FRMPD4: variants seen among roughly 807,000 people sequenced by gnomAD.
FRMPD4 encodes the protein FERM and PDZ domain containing 4.
In FRMPD4, 22 loss-of-function variants were observed where a neutral mutation model predicts 94.1. The ratio of observed to expected loss-of-function variants is 0.23; its 90% CI spans 0.17 to 0.33. The LOEUF (loss-of-function observed/expected upper bound fraction) is 0.33. FRMPD4 is among the 10% of genes least tolerant of loss of function. The pLI is 1.00. For missense variants in FRMPD4, 1,111 were observed against 1,339.9 expected, an observed-to-expected ratio of 0.83 and a Z score of 2.67; for synonymous variants, 631 against 548.6, an observed-to-expected ratio of 1.15 and a Z score of -2.10.
intron 3 of FRMPD4, among the ~76,000 whole-genome samples, chrX:12,130,374 G>A (rs949489724): frequency 9.0e-6 from 1 of 111,123 alleles, no homozygotes; most frequent in Non-Finnish European, 1.9e-5. Flanking sequence ...ACAGGAAGCA[G>A]GGAGGAGGGA....
intron 3 of FRMPD4, among the ~76,000 whole-genome samples, chrX:12,004,264 C>T (rs1157869305): frequency 1.8e-5 from 2 of 112,159 alleles, no homozygotes; most frequent in Non-Finnish European, 3.8e-5. Context: ...AATACTACTG[C>T]CAAACCAAAG....
chrX:12,597,058 C>G (rs767220139), intron 2 of FRMPD4, among the ~76,000 whole-genome samples: 1 of 112,039 alleles, frequency 8.9e-6, no homozygotes, highest in Non-Finnish European at 1.9e-5. Flanking sequence ...GAGCTACCAG[C>G]TCTGTTCAGC....
intron 1 of FRMPD4, among the ~76,000 whole-genome samples, chrX:12,371,519 GT>G (rs2056162225): frequency 8.9e-6 from 1 of 112,416 alleles, no homozygotes; most frequent in Non-Finnish European, 1.9e-5. Flanking sequence ...GTTTCTTTTG[GT>G]TTCATTTTAA....
chrX:11,918,950 A>G (rs997299643), intron 3 of FRMPD4, among the ~76,000 whole-genome samples: 1 of 112,747 alleles, frequency 8.9e-6, no homozygotes, highest in Non-Finnish European at 1.9e-5. Flanking sequence ...CTTCCCATCC[A>G]TGTAGACATG....
chrX:12,357,203 C>T (rs935991912), intron 1 of FRMPD4, among the ~76,000 whole-genome samples: 30 of 112,112 alleles, frequency 2.7e-4, no homozygotes, highest in African/African-American at 9.1e-4. Context: ...AGACTTAGAA[C>T]ACTGTATGTC....
intron 1 of FRMPD4, among the ~76,000 whole-genome samples, chrX:12,391,460 T>G (rs2056473784): frequency 1.8e-5 from 2 of 112,011 alleles, no homozygotes; most frequent in Admixed American, 1.9e-4. Context: ...TTATCTAGAT[T>G]TGCTCACCCT....
At chrX:12,591,300 G>A (rs1398940008) in intron 2 of FRMPD4, among the ~76,000 whole-genome samples, 3 of 112,099 alleles carry the variant, frequency 2.7e-5, no homozygotes, top group Non-Finnish European at 5.6e-5. Context: ...TAATTAATTG[G>A]AAATGAGTCA....
chrX:12,279,808 C>G (rs1489004701), intron 1 of FRMPD4, among the ~76,000 whole-genome samples: 1 of 110,745 alleles, frequency 9.0e-6, no homozygotes, highest in Non-Finnish European at 1.9e-5. Flanking sequence ...TTCCCAGGTA[C>G]AGAAGTGTCA....
At chrX:12,325,541 A>G (rs1477851958) in intron 1 of FRMPD4, among the ~76,000 whole-genome samples, 2 of 112,810 alleles carry the variant, frequency 1.8e-5, no homozygotes, top group African/African-American at 6.4e-5. Flanking sequence ...ACTCTGCCGT[A>G]TAGCATGAAA....
chrX:12,358,815 C>A (rs773788615), intron 1 of FRMPD4, among the ~76,000 whole-genome samples: 1 of 111,896 alleles, frequency 8.9e-6, no homozygotes, highest in African/African-American at 3.2e-5. Context: ...AGTGGGGGAA[C>A]CTCTACTACA....
chrX:12,186,728 T>C (rs745465056), intron 1 of FRMPD4, among the ~76,000 whole-genome samples: 6 of 112,360 alleles, frequency 5.3e-5, no homozygotes, highest in Admixed American at 9.4e-5. Context: ...CTCCCATTCA[T>C]ATGGTGAGAA....
chrX:12,331,774 A>AGTATATAT (rs2055396366), intron 1 of FRMPD4, among the ~76,000 whole-genome samples: 2 of 60,441 alleles, frequency 3.3e-5, no homozygotes, highest in African/African-American at 8.2e-5. Context: ...TAAATTATAT[A>AGTATATAT]TTATATATTT....
intron 3 of FRMPD4, among the ~76,000 whole-genome samples, chrX:12,105,196 C>T (rs1005154716): frequency 8.9e-6 from 1 of 111,916 alleles, no homozygotes; most frequent in Non-Finnish European, 1.9e-5. Context: ...TCTCCACTTT[C>T]GTTGATTGAG....
At chrX:12,502,999 A>G (rs1410194820) in intron 2 of FRMPD4, among the ~76,000 whole-genome samples, 1 of 112,414 alleles carries the variant, frequency 8.9e-6, no homozygotes, top group Non-Finnish European at 1.9e-5. Flanking sequence ...GAGAATGAGG[A>G]ACACCATTTT....
chrX:12,635,965 T>A (rs781779012), intron 4 of FRMPD4, among the ~76,000 whole-genome samples: 2 of 111,978 alleles, frequency 1.8e-5, no homozygotes, highest in Non-Finnish European at 3.8e-5. Context: ...TTAGATGACA[T>A]TGAAGCACAT....
intron 1 of FRMPD4, among the ~76,000 whole-genome samples, chrX:12,224,837 T>A (rs758613412): frequency 8.5e-4 from 95 of 111,923 alleles, no homozygotes; most frequent in Non-Finnish European, 1.5e-3. Context: ...ATGAATAATA[T>A]TACTGGGATA....
rs768743535 is a variant in FRMPD4 at position 12,723,073 on chromosome X, T to C, written c.*1215T>C. 1 of 110,794 alleles carries C rather than the reference T, an allele frequency of 9.0e-6. No homozygotes were observed. The highest frequency in any genetic ancestry group is 1.9e-5 in the Non-Finnish European group (1 of 52,935). 9.1% of individuals were successfully genotyped at this position (110,794 alleles called of 1,213,427 possible). A position where few individuals can be genotyped will look rare whatever the true frequency, so the allele number is the denominator to read the frequency against. On this transcript the variant is annotated 3_prime_UTR_variant, in exon 17 of 17. Transcript: ENST00000675598. The stretch of plus-strand genomic sequence containing the variant: ...GAGCCATGAGTAAATAGTTAAGTAT[T>C]TATTAAATAAATACTTAATCTGGAT...
chrX:12,394,003 TATC>T (rs1006311786), intron 1 of FRMPD4, among the ~76,000 whole-genome samples: 1 of 111,643 alleles, frequency 9.0e-6, no homozygotes, highest in Non-Finnish European at 1.9e-5. Flanking sequence ...GTGATAATGT[TATC>T]ATCATATAAA....
chrX:12,100,068 G>C (rs901817975), intron 3 of FRMPD4, among the ~76,000 whole-genome samples: 5 of 112,394 alleles, frequency 4.4e-5, no homozygotes, highest in African/African-American at 1.6e-4. Context: ...TTGAGTAGTT[G>C]TGACAAGAGA....
Sources: gnomAD v4.1 joint callset for allele counts (sites outside exome capture counted in the v4.1 genomes callset) on GRCh38, gnomAD v4.1.1 for gene constraint, MANE v1.5 for transcripts, NCBI Gene and HGNC (gene_info 2026-07-23, HGNC 2026-07-21) for gene names.